Variants in GRID1 observed in about 807,000 individuals in gnomAD.
GRID1 encodes the protein glutamate receptor ionotropic, delta-1.
A neutral mutation model predicts 98.0 loss-of-function variants in GRID1; 28 were observed. The observed-to-expected ratio is 0.29, with a 90% CI of 0.21 to 0.39. The LOEUF (loss-of-function observed/expected upper bound fraction) is 0.39. Ranked by LOEUF, GRID1 falls within the 10% of genes least tolerant of loss-of-function variation. GRID1 has a pLI of 1.00. For missense variants in GRID1, 1,111 were observed against 1,340.5 expected (o/e 0.83, Z 2.67); for synonymous variants, 553 against 538.5 (o/e 1.03, Z -0.37).
intron 4 of GRID1, among the ~76,000 whole-genome samples, chr10:86,072,644 G>A (rs1213798797): frequency 2.6e-5 from 4 of 152,194 alleles, no homozygotes; most frequent in African/African-American, 9.7e-5. Flanking sequence ...GCCCAAGGGA[G>A]CTCGGTCTGA....
chr10:85,756,804 A>G (rs1250968653), intron 8 of GRID1, among the ~76,000 whole-genome samples: 3 of 152,212 alleles, frequency 2.0e-5, no homozygotes, highest in African/African-American at 7.2e-5. Flanking sequence ...TCCATTTGTC[A>G]CTTACACTGA....
At chr10:86,077,486 G>T (rs949252552) in intron 4 of GRID1, among the ~76,000 whole-genome samples, 2 of 152,076 alleles carry the variant, frequency 1.3e-5, no homozygotes, top group African/African-American at 4.8e-5. Flanking sequence ...CTTTGAGCTC[G>T]GTCCCACCTA....
At chr10:85,933,243 CT>C (rs1157660376) in intron 4 of GRID1, among the ~76,000 whole-genome samples, 1 of 141,880 alleles carries the variant, frequency 7.0e-6, no homozygotes, top group African/African-American at 2.7e-5. Context: ...CAACTTTGGA[CT>C]TCCCAGCCTC....
At chr10:86,208,362 C>A (rs1846064400) in intron 2 of GRID1, among the ~76,000 whole-genome samples, 1 of 152,164 alleles carries the variant, frequency 6.6e-6, no homozygotes, top group Non-Finnish European at 1.5e-5. Context: ...CAGCTCCAGT[C>A]TGCTGAGTTC....
intron 4 of GRID1, among the ~76,000 whole-genome samples, chr10:86,089,101 T>C (rs1455072444): frequency 1.3e-5 from 2 of 152,174 alleles, no homozygotes; most frequent in African/African-American, 4.8e-5. Flanking sequence ...CAGGCTGAAA[T>C]GAAGTCCCCA....
intron 12 of GRID1, among the ~76,000 whole-genome samples, chr10:85,710,445 C>T (rs934220822): frequency 1.1e-4 from 17 of 152,038 alleles, no homozygotes; most frequent in Non-Finnish European, 2.4e-4. Context: ...TGTACCCTTG[C>T]CTTACACCAT....
chr10:86,125,883 A>G (rs922071788), intron 4 of GRID1, among the ~76,000 whole-genome samples: 1 of 152,224 alleles, frequency 6.6e-6, no homozygotes, highest in Admixed American at 6.5e-5. Context: ...AGAATATAGT[A>G]TATAATACCT....
intron 12 of GRID1, among the ~76,000 whole-genome samples, chr10:85,684,993 T>G (rs1404074922): frequency 6.6e-6 from 1 of 152,210 alleles, no homozygotes; most frequent in Non-Finnish European, 1.5e-5. Context: ...TTTACCACAC[T>G]AGGGGTTAGG....
At chr10:86,088,159 C>T (rs1206200133) in intron 4 of GRID1, among the ~76,000 whole-genome samples, 2 of 152,190 alleles carry the variant, frequency 1.3e-5, no homozygotes, top group Non-Finnish European at 2.9e-5. Flanking sequence ...AAAGTCTATA[C>T]AATAATTAAC....
At chr10:86,278,756 T>C (rs1847311942) in intron 2 of GRID1, among the ~76,000 whole-genome samples, 1 of 152,232 alleles carries the variant, frequency 6.6e-6, no homozygotes, top group Non-Finnish European at 1.5e-5. Context: ...TTATTATCTA[T>C]GAAGGAAATG....
chr10:86,328,084 T>C (rs1848079170), intron 2 of GRID1, among the ~76,000 whole-genome samples: 3 of 152,220 alleles, frequency 2.0e-5, no homozygotes, highest in African/African-American at 7.2e-5. Flanking sequence ...GGTGGATTTA[T>C]ATGAAATAGC....
chr10:85,932,654 T>G (rs934349584), intron 4 of GRID1, among the ~76,000 whole-genome samples: 1 of 152,206 alleles, frequency 6.6e-6, no homozygotes, highest in Non-Finnish European at 1.5e-5. Context: ...GGGATAAACA[T>G]GGGCAACCAA....
intron 13 of GRID1, among the ~76,000 whole-genome samples, chr10:85,622,427 TAGAC>T (rs1842868223): frequency 6.6e-6 from 1 of 152,188 alleles, no homozygotes; most frequent in South Asian, 2.1e-4. Flanking sequence ...AAAAAAAATA[TAGAC>T]AGTCTTGCTA....
At chr10:86,120,418 T>A (rs1844648543) in intron 4 of GRID1, among the ~76,000 whole-genome samples, 1 of 152,222 alleles carries the variant, frequency 6.6e-6, no homozygotes, top group Non-Finnish European at 1.5e-5. Flanking sequence ...CCTGTACTTA[T>A]ACCTATTCTG....
intron 4 of GRID1, among the ~76,000 whole-genome samples, chr10:86,054,557 G>A (rs1177232415): frequency 1.3e-5 from 2 of 152,202 alleles, no homozygotes; most frequent in Non-Finnish European, 2.9e-5. Flanking sequence ...AGAGCAGTGT[G>A]CCCTGCAAAG....
chr10:85,727,758 G>T (rs1841777118), intron 10 of GRID1, 97 bp downstream of exon 10: 2 of 859,976 alleles, frequency 2.3e-6, no homozygotes, highest in South Asian at 1.5e-5. Context: ...CTGTTTAGCT[G>T]GTCCCAAGGT....
intron 8 of GRID1, among the ~76,000 whole-genome samples, chr10:85,751,752 T>C (rs572889978): frequency 3.9e-5 from 6 of 152,196 alleles, no homozygotes; most frequent in African/African-American, 1.2e-4. Flanking sequence ...AATAGACAGA[T>C]CCAAAAATTA....
chr10:86,338,919 G>A (rs1387891898), intron 2 of GRID1, among the ~76,000 whole-genome samples: 7 of 151,996 alleles, frequency 4.6e-5, no homozygotes, highest in Non-Finnish European at 8.8e-5. Flanking sequence ...TGGGTGGCAG[G>A]GCCTATGTTT....
intron 2 of GRID1, among the ~76,000 whole-genome samples, chr10:86,273,861 T>C (rs1323887326): frequency 1.3e-5 from 2 of 152,066 alleles, no homozygotes; most frequent in East Asian, 3.8e-4. Flanking sequence ...ATTCTGTAGG[T>C]TGCCTGTTCA....
Sources: gnomAD v4.1 joint callset for allele counts (sites outside exome capture counted in the v4.1 genomes callset) on GRCh38, gnomAD v4.1.1 for gene constraint, MANE v1.5 for transcripts, NCBI Gene and HGNC (gene_info 2026-07-23, HGNC 2026-07-21) for gene names.